CDC23: variants seen among roughly 807,000 people sequenced by gnomAD.
CDC23 encodes cell division cycle protein 23 homolog.
CDC23 carries 26 observed loss-of-function variants against 81.7 expected under a neutral mutation model. The ratio of observed to expected loss-of-function variants is 0.32; its 90% CI spans 0.23 to 0.44. The LOEUF (loss-of-function observed/expected upper bound fraction) is 0.44. CDC23 is among the 20% of genes least tolerant of loss of function. CDC23 has a pLI of 1.00. For synonymous variants in CDC23, 267 were observed against 270.8 expected (o/e 0.99, Z 0.14); for missense variants, 519 against 728.0 (o/e 0.71, Z 3.30).
At position 138,206,540 on chromosome 5, in the gene CDC23, C is replaced by A. The variant is rs1188229524; in HGVS notation, c.372+7G>T. 6.2e-7 allele frequency: 1 copy of A among 1,613,966 alleles called. No homozygotes were observed. The highest frequency in any genetic ancestry group is 1.1e-5 in the South Asian group (1 of 91,082). ...AAGGCAGAATGACATTTTAAAATGG[C>A]CCTCACCAGATATCTGGAATACATA... On this transcript the variant is annotated splice_region_variant and intron_variant, in intron 3 of 15. Coordinates refer to ENST00000394886, the MANE Select transcript of CDC23 (RefSeq NM_004661.4).
intron 2 of CDC23, among the ~76,000 whole-genome samples, chr5:138,211,879 A>T (rs1236510911): frequency 6.6e-6 from 1 of 152,216 alleles, no homozygotes; most frequent in African/African-American, 2.4e-5. Context: ...AAGTGGGCAC[A>T]AGAGTAAAAG....
intron 9 of CDC23, among the ~76,000 whole-genome samples, chr5:138,194,235 A>G (rs944497063): frequency 6.6e-6 from 1 of 152,192 alleles, no homozygotes; most frequent in Non-Finnish European, 1.5e-5. Context: ...GGATCACTTA[A>G]GGTCAGGAGT....
Position 138,198,484 on chromosome 5 carries a change from T to C in CDC23, c.872A>G (p.Lys291Arg). ...KALSIFNELR[K>R]QDPYRIENMD... Reference sequence around the variant, plus strand: ...ATTTTCAATCCTGTAAGGGTCTTGTTTCCTTAGCTCATTAAAAATGGAGAG... The same window carrying C: ...ATTTTCAATCCTGTAAGGGTCTTGTCTCCTTAGCTCATTAAAAATGGAGAG... The change falls in exon 8 of 16, where the codon AAA becomes AGA. Residue 291 changes from lysine to arginine, a missense_variant. Transcript: ENST00000394886. The C allele has an allele frequency of 1.2e-6, 2 of 1,614,182 alleles. No homozygotes were observed. The highest frequency in any genetic ancestry group is 1.7e-6 in the Non-Finnish European group (2 of 1,180,030).
At position 138,189,099 on chromosome 5, in the gene CDC23, T is replaced by C. The variant is rs1451216064; in HGVS notation, c.1673A>G (p.Asn558Ser). The change falls in exon 16 of 16, where the codon AAC (asparagine) becomes AGC (serine). Residue 558 changes from asparagine to serine, a missense_variant. Transcript: ENST00000394886. ...CTCGGTGGTAGGAGTCTCGCCTTGGTTCCGAAGCTGTAGGATTTGCCGGAG... is the reference window on the plus strand; with the variant it reads ...CTCGGTGGTAGGAGTCTCGCCTTGGCTCCGAAGCTGTAGGATTTGCCGGAG... ...ALLRQILQLRNQGETPTTEVP... is the reference protein window; with the variant it reads ...ALLRQILQLRSQGETPTTEVP... 3.1e-6 allele frequency: 5 copies of C among 1,613,972 alleles called. No individual in the cohort carries two copies. Among genetic ancestry groups the C allele is most frequent in the Non-Finnish European group, 4.2e-6 (5 of 1,179,934 alleles).
chr5:138,197,632 G>T lies in CDC23; in HGVS notation c.1012+567C>A, dbSNP rs2126583845. Among the ~76,000 whole-genome samples the T allele has an allele frequency of 1.3e-5, 2 of 150,904 alleles. 1 individual carries two copies. Among genetic ancestry groups the T allele is most frequent in the African/African-American group, 4.9e-5 (2 of 40,488 alleles). The stretch of plus-strand genomic sequence containing the variant: ...CTGCCTCAACTTCCCAAGCAGCTGG[G>T]ACTACAGGCACATGCCACCACACCC... On this transcript the variant is annotated intron_variant, in intron 9 of 15. Coordinates refer to ENST00000394886, the MANE Select transcript of CDC23 (RefSeq NM_004661.4).
At position 138,195,972 on chromosome 5, in the gene CDC23, ACTCTT is replaced by A. The variant is rs1477140740; in HGVS notation, c.1012+2222_1012+2226del. Among the ~76,000 whole-genome samples, 6 of 149,822 alleles carry A rather than the reference ACTCTT, an allele frequency of 4.0e-5. No homozygotes were observed. In the East Asian group the frequency reaches 1.2e-3, roughly 29 times the overall value. On this transcript the variant is annotated intron_variant, in intron 9 of 15. Transcript: ENST00000394886. Reference sequence around the variant, plus strand: ...AGTAGGAGATTCTTGCCATCACTCTACTCTTAAGATTGTCTCATTCTCTCAGGTCC... The same window carrying A: ...AGTAGGAGATTCTTGCCATCACTCTAAAGATTGTCTCATTCTCTCAGGTCC...
chr5:138,210,121 CAGG>C (rs990335302), intron 2 of CDC23, among the ~76,000 whole-genome samples: 169 of 149,242 alleles, frequency 1.1e-3, no homozygotes, highest in African/African-American at 4.0e-3. Context: ...GAGGCTGGGA[CAGG>C]AGAATTGCTT....
Position 138,191,408 on chromosome 5 carries a change from A to G in CDC23, c.1424+66T>C, listed in dbSNP as rs17228526. 4.5e-6 allele frequency: 6 copies of G among 1,347,726 alleles called. No individual in the cohort carries two copies. In the Admixed American group the frequency reaches 8.4e-5, roughly 19 times the overall value. The allele number at this position is 1,347,726 out of a possible 1,614,324, so 83.5% of individuals were successfully genotyped here. A position where few individuals can be genotyped will look rare whatever the true frequency, so the allele number is the denominator to read the frequency against. Reference sequence around the variant, plus strand: ...ATGGGTGTATGGGAGGCTCTAGACCATGCAGGACCCACCATCCCAGAGAAG... The same window carrying G: ...ATGGGTGTATGGGAGGCTCTAGACCGTGCAGGACCCACCATCCCAGAGAAG... On this transcript the variant is annotated intron_variant, in intron 13 of 15. Coordinates refer to ENST00000394886, the MANE Select transcript of CDC23 (RefSeq NM_004661.4).
At chr5:138,200,334 G>A (rs1050386985) in intron 6 of CDC23, among the ~76,000 whole-genome samples, 5 of 151,976 alleles carry the variant, frequency 3.3e-5, no homozygotes, top group Non-Finnish European at 5.9e-5. Flanking sequence ...GTTTCACCAC[G>A]TTGACCAGGC....
In CDC23 at chr5:138,201,192, T is replaced by C; in HGVS notation, c.569A>G (p.Asp190Gly). ...AACATGAGTAGCTTCCACAAACACA[T>C]CAATGGCCTCTTTAACCAAGTCCAG... ...RKLDLVKEAI[D>G]VFVEATHVLP... Residue 190 changes from aspartate to glycine, a missense_variant, in exon 6 of 16, where the codon GAT (aspartate) becomes GGT (glycine). Physicochemically the swap from Asp to Gly is moderately conservative, Grantham distance 94 (BLOSUM62 -1). Coordinates refer to ENST00000394886, the MANE Select transcript of CDC23 (RefSeq NM_004661.4). The C allele has an allele frequency of 6.2e-7, 1 of 1,614,048 alleles. No individual in the cohort carries two copies. Among genetic ancestry groups the C allele is most frequent in the Non-Finnish European group, 8.5e-7 (1 of 1,180,018 alleles).
At chr5:138,198,310 A>C (rs1205904999) in intron 8 of CDC23, 30 bp from the exon 9 acceptor site, 3 of 1,598,788 alleles carry the variant, frequency 1.9e-6, no homozygotes, top group East Asian at 2.2e-5. Context: ...CAATATAAGC[A>C]TGAAAAAAGA....
chr5:138,203,574 C>T lies in CDC23; in HGVS notation c.373-1419G>A, dbSNP rs150504602. Among the ~76,000 whole-genome samples, 556 of 152,124 alleles carry T rather than the reference C, an allele frequency of 3.7e-3. 3 individuals carry two copies. Among genetic ancestry groups the T allele is most frequent in the African/African-American group, 0.013 (529 of 41,502 alleles). On this transcript the variant is annotated intron_variant, in intron 3 of 15. Coordinates refer to ENST00000394886, the MANE Select transcript of CDC23 (RefSeq NM_004661.4). Reference sequence around the variant, plus strand: ...ACATGACAACTGATTCTAGATTGTACTGAGGGGGAAATGCTATAGAAGACA... The same window carrying T: ...ACATGACAACTGATTCTAGATTGTATTGAGGGGGAAATGCTATAGAAGACA...
intron 9 of CDC23, among the ~76,000 whole-genome samples, chr5:138,194,209 G>T (rs1754858290): frequency 1.3e-5 from 2 of 152,106 alleles, no homozygotes; most frequent in South Asian, 4.1e-4. Context: ...CTAATGGATG[G>T]GAGGCTGAGG....
At chr5:138,192,813 C>A (rs1346523262) in intron 9 of CDC23, among the ~76,000 whole-genome samples, 156 bp from the exon 10 acceptor site, 1 of 152,102 alleles carries the variant, frequency 6.6e-6, no homozygotes, top group Non-Finnish European at 1.5e-5. Context: ...GAAATATTCC[C>A]TTGGGAAATA....
intron 9 of CDC23, among the ~76,000 whole-genome samples, chr5:138,193,761 C>G (rs1027992069): frequency 7.2e-5 from 11 of 152,046 alleles, no homozygotes; most frequent in African/African-American, 2.4e-4. Context: ...GAGTTCGAGA[C>G]CAGTCTGACC....
chr5:138,204,010 G>A (rs982369486), intron 3 of CDC23, among the ~76,000 whole-genome samples: 1 of 152,144 alleles, frequency 6.6e-6, no homozygotes, highest in African/African-American at 2.4e-5. Flanking sequence ...TGATAACTAT[G>A]TTGTGGTTAT....
chr5:138,207,967 C>CTT (rs562305953), intron 2 of CDC23, among the ~76,000 whole-genome samples: 2 of 144,874 alleles, frequency 1.4e-5, no homozygotes, highest in African/African-American at 2.5e-5. Context: ...CCCCCAAATT[C>CTT]TTTTTTTTTT....
At position 138,188,631 on chromosome 5, in the gene CDC23, A is replaced by G. The variant is rs1754784021; in HGVS notation, c.*347T>C. ...TTTCCTCCTTTCTTTCACTCTCAGCAGCATTGAAACTTTGTTCCTGTAGCA... is the reference window on the plus strand; with the variant it reads ...TTTCCTCCTTTCTTTCACTCTCAGCGGCATTGAAACTTTGTTCCTGTAGCA... On this transcript the variant is annotated 3_prime_UTR_variant, in exon 16 of 16. Coordinates refer to ENST00000394886, the MANE Select transcript of CDC23 (RefSeq NM_004661.4). 6.0e-6 allele frequency: 1 copy of G among 167,426 alleles called. No homozygotes were observed. Among genetic ancestry groups the G allele is most frequent in the Admixed American group, 6.3e-5 (1 of 15,962 alleles). 10.4% of individuals were successfully genotyped at this position (167,426 alleles called of 1,614,324 possible).
chr5:138,199,584 G>C (rs781529977), intron 6 of CDC23, among the ~76,000 whole-genome samples: 1 of 152,186 alleles, frequency 6.6e-6, no homozygotes, highest in Non-Finnish European at 1.5e-5. Flanking sequence ...GAAACCAAGA[G>C]AAAGAGATGT....
Sources: allele counts gnomAD v4.1 joint callset (sites outside exome capture counted in the v4.1 genomes callset), GRCh38; gene constraint gnomAD v4.1.1; transcripts MANE v1.5; gene names NCBI Gene and HGNC (gene_info 2026-07-23, HGNC 2026-07-21).